Variants in CNTN4 observed in about 807,000 individuals in gnomAD.
CNTN4 encodes contactin 4, also known as contactin-4.
A neutral mutation model predicts 122.5 loss-of-function variants in CNTN4; 77 were observed. That is an observed-to-expected ratio of 0.63 (90% CI 0.52 to 0.76). The LOEUF (loss-of-function observed/expected upper bound fraction) is 0.76, where lower values mean the gene tolerates loss of function less well. Among genes scored for constraint, CNTN4 ranks in the 30% least tolerant of loss-of-function variants. The probability of loss-of-function intolerance (pLI) is 0.00; values close to 1 mark genes in which losing one functional copy is unlikely to be tolerated. For missense variants in CNTN4, 1,256 were observed against 1,259.1 expected (o/e 1.00, Z 0.04); for synonymous variants, 512 against 447.0 (o/e 1.15, Z -1.83).
chr3:2,368,548 T>G (rs1343126040), intron 3 of CNTN4, among the ~76,000 whole-genome samples: 1 of 152,192 alleles, frequency 6.6e-6, no homozygotes, highest in Non-Finnish European at 1.5e-5. Flanking sequence ...AATAGACTAC[T>G]AATTCCAAAG....
chr3:2,925,311 T>C (rs779862170), intron 12 of CNTN4, among the ~76,000 whole-genome samples: 31 of 152,144 alleles, frequency 2.0e-4, no homozygotes, highest in Non-Finnish European at 3.7e-4. Flanking sequence ...ATCCCCGCAC[T>C]TTGGGAGGCT....
intron 16 of CNTN4, among the ~76,000 whole-genome samples, chr3:3,034,061 C>G: frequency 6.6e-6 from 1 of 152,282 alleles, no homozygotes; most frequent in East Asian, 1.9e-4. Flanking sequence ...TGTGTGCTCA[C>G]GTGGGAAGCA....
At chr3:3,000,116 G>A (rs942902342) in intron 14 of CNTN4, among the ~76,000 whole-genome samples, 8 of 152,042 alleles carry the variant, frequency 5.3e-5, no homozygotes, top group Admixed American at 2.0e-4. Flanking sequence ...CCAAATTTTA[G>A]TGTCAGGTTG....
rs538881841 is a variant in CNTN4, at chr3:2,478,835, G to A, written c.-88-92581G>A. ...CATTTTCTTTCTCTAGTCTGTCACT[G>A]ATGGACATTTAGGTTGATTCCATGT... On this transcript the variant is annotated intron_variant, in intron 3 of 24. Coordinates refer to ENST00000418658, the MANE Select transcript of CNTN4 (RefSeq NM_175607.3). Among the ~76,000 whole-genome samples, 21 of 152,224 alleles carry A rather than the reference G, an allele frequency of 1.4e-4. No homozygotes were observed. In the East Asian group the frequency reaches 2.9e-3, roughly 21 times the overall value.
chr3:2,284,539 AT>A, intron 2 of CNTN4, among the ~76,000 whole-genome samples: 1 of 152,140 alleles, frequency 6.6e-6, no homozygotes, highest in East Asian at 1.9e-4. Context: ...ATTTAATCAA[AT>A]TTTTATATAA....
intron 10 of CNTN4, 84 bp from the exon 11 acceptor site, chr3:2,900,600 AC>A: frequency 7.1e-7 from 1 of 1,417,016 alleles, no homozygotes; most frequent in Non-Finnish European, 9.9e-7. Context: ...TTATAAGTGT[AC>A]TTTTGCCCTT....
intron 14 of CNTN4, among the ~76,000 whole-genome samples, chr3:3,022,424 C>T (rs912894157): frequency 1.3e-5 from 2 of 151,986 alleles, no homozygotes; most frequent in Non-Finnish European, 2.9e-5. Context: ...TATAAAACAG[C>T]GTAGTGTTTT....
chr3:2,641,314 T>C (rs958246987), intron 4 of CNTN4, among the ~76,000 whole-genome samples: 6 of 152,158 alleles, frequency 3.9e-5, no homozygotes, highest in South Asian at 2.1e-4. Context: ...ATGATTGGTG[T>C]ACATTCTGTT....
intron 7 of CNTN4, among the ~76,000 whole-genome samples, chr3:2,850,844 T>C (rs1268708782): frequency 1.3e-5 from 2 of 152,316 alleles, no homozygotes; most frequent in Non-Finnish European, 2.9e-5. Context: ...GATTTTTTTT[T>C]CCCCTGGGGA....
At chr3:2,379,501 G>A (rs544094386) in intron 3 of CNTN4, among the ~76,000 whole-genome samples, 6 of 152,198 alleles carry the variant, frequency 3.9e-5, no homozygotes, top group South Asian at 4.1e-4. Context: ...TATTGCATCC[G>A]GAGTACCACA....
At chr3:2,282,674 C>T (rs948125589) in intron 2 of CNTN4, among the ~76,000 whole-genome samples, 1 of 152,060 alleles carries the variant, frequency 6.6e-6, no homozygotes, top group Admixed American at 6.6e-5. Flanking sequence ...TAAAAACATA[C>T]GTTTACACAA....
At chr3:2,840,690 C>T (rs1405460641) in intron 7 of CNTN4, among the ~76,000 whole-genome samples, 5 of 150,928 alleles carry the variant, frequency 3.3e-5, no homozygotes. Flanking sequence ...CAGAGCGACA[C>T]TCCGTCTCCA....
At chr3:2,175,250 G>C (rs964475680) in intron 2 of CNTN4, among the ~76,000 whole-genome samples, 6 of 150,512 alleles carry the variant, frequency 4.0e-5, no homozygotes, top group African/African-American at 9.7e-5. Context: ...CCGATAGCTT[G>C]CCTTTTCTTT....
chr3:2,840,487 T>C (rs1382809636), intron 7 of CNTN4, among the ~76,000 whole-genome samples: 1 of 143,214 alleles, frequency 7.0e-6, no homozygotes, highest in Non-Finnish European at 1.5e-5. Context: ...GATCACGAGG[T>C]CAGGAGATCG....
chr3:2,679,997 T>C (rs1198699434), intron 4 of CNTN4, among the ~76,000 whole-genome samples: 2 of 152,230 alleles, frequency 1.3e-5, no homozygotes, highest in East Asian at 3.8e-4. Flanking sequence ...TTAAATATTT[T>C]TAGAAGCTAT....
intron 4 of CNTN4, among the ~76,000 whole-genome samples, chr3:2,702,031 A>G (rs1470308827): frequency 1.3e-5 from 2 of 152,220 alleles, no homozygotes; most frequent in African/African-American, 4.8e-5. Flanking sequence ...TTAGGCAACA[A>G]TAAGATCAAC....
rs1314898791 is a variant in CNTN4, at chr3:2,375,554, A to G, written c.-89+36321A>G. On this transcript the variant is annotated intron_variant, in intron 3 of 24. Transcript: ENST00000418658. ...AGATCCTACTCTGCTTTCTCTGGCA[A>G]TGGAGGAGGCAGGTGATTGCCTAAA... is the stretch of plus-strand genomic sequence containing the variant. Among the ~76,000 whole-genome samples, 3 of 152,262 alleles carry G rather than the reference A, an allele frequency of 2.0e-5. No individual in the cohort carries two copies. In the East Asian group the frequency reaches 5.8e-4, roughly 29 times the overall value.
intron 5 of CNTN4, among the ~76,000 whole-genome samples, chr3:2,742,218 G>A (rs1172859545): frequency 6.6e-6 from 1 of 151,980 alleles, no homozygotes; most frequent in African/African-American, 2.4e-5. Context: ...CACCGCAACT[G>A]ACCTCTCTTC....
intron 8 of CNTN4, among the ~76,000 whole-genome samples, chr3:2,875,353 G>A (rs1320448498): frequency 6.6e-6 from 1 of 152,120 alleles, no homozygotes; most frequent in Admixed American, 6.5e-5. Flanking sequence ...TGTTATTCTT[G>A]TGATTCAGTA....
Sources: gnomAD v4.1 joint callset for allele counts (sites outside exome capture counted in the v4.1 genomes callset) on GRCh38, gnomAD v4.1.1 for gene constraint, MANE v1.5 for transcripts, NCBI Gene and HGNC (gene_info 2026-07-23, HGNC 2026-07-21) for gene names.